The following PSME4 variants were observed in gnomAD, a reference collection of about 807,000 sequenced individuals.
PSME4 encodes the protein proteasome activator complex subunit 4.
A neutral mutation model predicts 253.9 loss-of-function variants in PSME4; 89 were observed. The observed-to-expected ratio is 0.35, with a 90% CI of 0.30 to 0.42. The LOEUF is 0.42. PSME4 is among the 10% of genes least tolerant of loss of function. The pLI is 1.00. For missense variants in PSME4, 2,014 were observed against 2,195.2 expected (o/e 0.92, Z 1.65); for synonymous variants, 851 against 759.2 (o/e 1.12, Z -1.99).
chr2:53,887,609 A>T, intron 39 of PSME4, 142 bp from the exon 40 acceptor site: 1 of 910,572 alleles, frequency 1.1e-6, no homozygotes, highest in Non-Finnish European at 1.6e-6. Context: ...GTGTAAAAGA[A>T]GCCTTATAAT....
rs968838816 is a variant in PSME4, at chr2:53,874,539, G to A, written c.4945-45C>T. 4.5e-6 allele frequency: 7 copies of A among 1,553,760 alleles called. No homozygotes were observed. In the African/African-American group the frequency reaches 8.2e-5, roughly 18 times the overall value. ...ATAAACGATAAAGCAGTACTGACAA[G>A]AACATGAGATGACAGATAGTGACAT... is the stretch of plus-strand genomic sequence containing the variant. On this transcript the variant is annotated intron_variant, in intron 42 of 46. Transcript: ENST00000404125.
At chr2:53,894,003 G>C (rs1246320152) in intron 34 of PSME4, among the ~76,000 whole-genome samples, 2 of 152,152 alleles carry the variant, frequency 1.3e-5, no homozygotes, top group Non-Finnish European at 2.9e-5. Context: ...TTTTCCTTCA[G>C]ATTCTCAAGT....
intron 3 of PSME4, among the ~76,000 whole-genome samples, chr2:53,947,927 A>C (rs1260989733): frequency 6.6e-6 from 1 of 151,498 alleles, no homozygotes; most frequent in Non-Finnish European, 1.5e-5. Flanking sequence ...GAGGAACGCG[A>C]ATCACTTGAA....
At chr2:53,942,515 G>A (rs1490410607) in intron 3 of PSME4, among the ~76,000 whole-genome samples, 2 of 152,024 alleles carry the variant, frequency 1.3e-5, no homozygotes, top group Non-Finnish European at 2.9e-5. Context: ...TGGCCTTAGA[G>A]TCAGACAGAT....
chr2:53,926,979 AAAAGAAAG>A (rs551552640), intron 12 of PSME4, among the ~76,000 whole-genome samples: 84 of 151,246 alleles, frequency 5.6e-4, no homozygotes, highest in Middle Eastern at 3.4e-3. Context: ...TCTCAAAAAA[AAAAGAAAG>A]AAAGAAAGAA....
intron 20 of PSME4, among the ~76,000 whole-genome samples, chr2:53,912,946 A>C (rs1346094076): frequency 6.6e-6 from 1 of 152,234 alleles, no homozygotes; most frequent in Admixed American, 6.5e-5. Flanking sequence ...GAATAGTCTT[A>C]AGGCACTGTC....
intron 8 of PSME4, among the ~76,000 whole-genome samples, chr2:53,933,649 T>C (rs957999749): frequency 2.6e-5 from 4 of 152,218 alleles, no homozygotes; most frequent in Non-Finnish European, 5.9e-5. Context: ...CCCAAAGTGC[T>C]AGGATTACAG....
intron 41 of PSME4, among the ~76,000 whole-genome samples, chr2:53,879,757 G>A (rs1434867344): frequency 1.4e-5 from 2 of 140,672 alleles, no homozygotes; most frequent in African/African-American, 5.2e-5. Flanking sequence ...AGCTATGATC[G>A]TGCTACTGCA....
chr2:53,953,480 T>A (rs1017443290), intron 1 of PSME4, among the ~76,000 whole-genome samples: 2 of 94,140 alleles, frequency 2.1e-5, no homozygotes, highest in Non-Finnish European at 4.0e-5. Flanking sequence ...TGAAACCCCA[T>A]GTCTATTAAA....
chr2:53,933,908 CA>C (rs1668979686), intron 8 of PSME4, among the ~76,000 whole-genome samples: 1 of 152,036 alleles, frequency 6.6e-6, no homozygotes, highest in Non-Finnish European at 1.5e-5. Context: ...ATGGCAAAAA[CA>C]AGGGGGGGCT....
rs142064799 is a variant in PSME4 at position 53,899,903 on chromosome 2, C to T, written c.3400G>A (p.Glu1134Lys). The change falls in exon 29 of 47, where the codon GAA becomes AAA. Residue 1134 changes from glutamate to lysine, a missense_variant. Glu to Lys is a moderately conservative substitution (Grantham distance 56). Transcript: ENST00000404125. ...KIKEGIKRQQEKNADALRNYE... is the reference protein window; with the variant it reads ...KIKEGIKRQQKKNADALRNYE... ...TACCTTAGGGCATCGGCATTCTTTTCCTGTTGGCGTTTAATTCCTTCCTTA... is the reference window on the plus strand; with the variant it reads ...TACCTTAGGGCATCGGCATTCTTTTTCTGTTGGCGTTTAATTCCTTCCTTA... The T allele has an allele frequency of 2.0e-3, 3,189 of 1,613,704 alleles. 3 individuals carry two copies. The highest frequency in any genetic ancestry group is 2.5e-3 in the Non-Finnish European group (2,999 of 1,179,752).
chr2:53,920,121 T>A (rs1211336901), intron 19 of PSME4, 72 bp downstream of exon 19: 2 of 1,292,930 alleles, frequency 1.5e-6, no homozygotes, highest in Middle Eastern at 2.0e-4. Context: ...ACATGAGATA[T>A]GCCACAGATA....
rs543535216 is a variant in PSME4 at position 53,955,429 on chromosome 2, T to C, written c.243-6146A>G. On this transcript the variant is annotated intron_variant, in intron 1 of 46. Coordinates refer to ENST00000404125, the MANE Select transcript of PSME4 (RefSeq NM_014614.3). ...CATTAGCGTTAGTATATTTTATGTG[T>C]GGCCCAAGACAATTCTTCCAATGTG... is the stretch of plus-strand genomic sequence containing the variant. 8.5e-5 allele frequency among the ~76,000 whole-genome samples: 13 copies of C among 152,314 alleles called. No homozygotes were observed. The South Asian group carries it at 2.3e-3, about 27-fold the overall frequency.
Position 53,885,651 on chromosome 2 carries a change from T to A in PSME4, c.4815+39A>T, listed in dbSNP as rs752655683. ...GATGAACACAAATTCCTTATGAAGG[T>A]CAAAAGGAGATGCATTCTTAATTTC... On this transcript the variant is annotated intron_variant, in intron 41 of 46. Coordinates refer to ENST00000404125, the MANE Select transcript of PSME4 (RefSeq NM_014614.3). 4.1e-6 allele frequency: 6 copies of A among 1,465,982 alleles called. No individual in the cohort carries two copies. In the Admixed American group the frequency reaches 1.0e-4, roughly 25 times the overall value. The allele number at this position is 1,465,982 out of a possible 1,614,324, so 90.8% of individuals were successfully genotyped here.
intron 17 of PSME4, among the ~76,000 whole-genome samples, chr2:53,921,963 G>C (rs1260569475): frequency 1.3e-5 from 2 of 150,818 alleles, no homozygotes. Flanking sequence ...ACGAGGTCAG[G>C]ACATTGAGAC....
chr2:53,880,705 T>C (rs1341047972), intron 41 of PSME4, among the ~76,000 whole-genome samples: 3 of 152,172 alleles, frequency 2.0e-5, no homozygotes, highest in African/African-American at 7.2e-5. Flanking sequence ...AGAAACACTT[T>C]CGTAGGGTAA....
At chr2:53,867,747 CAGTACA>C (rs1181854537) in intron 44 of PSME4, among the ~76,000 whole-genome samples, 4 of 150,248 alleles carry the variant, frequency 2.7e-5, no homozygotes, top group Non-Finnish European at 5.9e-5. Context: ...GTACCTAGGC[CAGTACA>C]ATCCCTGATT....
At position 53,931,471 on chromosome 2, in the gene PSME4, T is replaced by C. The variant is rs890430994; in HGVS notation, c.1316+364A>G. 5.9e-5 allele frequency among the ~76,000 whole-genome samples: 9 copies of C among 152,318 alleles called. 1 individual carries two copies. Among genetic ancestry groups the C allele is most frequent in the Admixed American group, 5.9e-4 (9 of 15,308 alleles). ...TAAACACAATTTTCTTCTCTACCAC[T>C]GATTCTAAGAAATAAAAGAAATCCA... On this transcript the variant is annotated intron_variant, in intron 10 of 46. Coordinates refer to ENST00000404125, the MANE Select transcript of PSME4 (RefSeq NM_014614.3).
At chr2:53,933,268 C>T (rs1573321704) in intron 8 of PSME4, 1 of 151,800 alleles carries the variant, frequency 6.6e-6, no homozygotes, top group African/African-American at 2.5e-5. Flanking sequence ...GTCCCAACTA[C>T]TCGGGAGGCT....
Sources: allele counts gnomAD v4.1 joint callset (sites outside exome capture counted in the v4.1 genomes callset), GRCh38; gene constraint gnomAD v4.1.1; transcripts MANE v1.5; gene names NCBI Gene and HGNC (gene_info 2026-07-23, HGNC 2026-07-21).